The following PLEKHA6 variants were observed in gnomAD, a reference collection of about 807,000 sequenced individuals.
The protein encoded by PLEKHA6 is pleckstrin homology domain-containing family A member 6.
Under a neutral mutation model 116.7 loss-of-function variants are expected in PLEKHA6, and 60 were observed. That is an observed-to-expected ratio of 0.51 (90% CI 0.42 to 0.64). The LOEUF (loss-of-function observed/expected upper bound fraction) is 0.64. PLEKHA6 is among the 30% of genes least tolerant of loss of function. The pLI is 0.00. For synonymous variants in PLEKHA6, 489 were observed against 556.1 expected (o/e 0.88, Z 1.70); for missense variants, 1,338 against 1,422.7 (o/e 0.94, Z 0.96).
intron 16 of PLEKHA6, 34 bp downstream of exon 16, chr1:204,241,651 C>A: frequency 6.5e-7 from 1 of 1,546,180 alleles, no homozygotes; most frequent in Non-Finnish European, 8.7e-7. Flanking sequence ...AGCATCCTTG[C>A]CTTACTTCTA....
chr1:204,329,303 A>T (rs1672363471), intron 1 of PLEKHA6, among the ~76,000 whole-genome samples: 1 of 152,208 alleles, frequency 6.6e-6, no homozygotes, highest in Admixed American at 6.5e-5. Flanking sequence ...CCTGGCCTTC[A>T]TGGGGCCCAT....
intron 17 of PLEKHA6, among the ~76,000 whole-genome samples, chr1:204,231,779 G>A (rs1378228148): frequency 1.3e-5 from 2 of 152,010 alleles, no homozygotes; most frequent in Non-Finnish European, 2.9e-5. Flanking sequence ...TTGCTTTCTT[G>A]CTCAAGCTGT....
At chr1:204,361,382 A>G (rs190741130), upstream of PLEKHA6, among the ~76,000 whole-genome samples, 19 of 152,198 alleles carry the variant, frequency 1.2e-4, no homozygotes, top group East Asian at 2.5e-3. Context: ...CCTGGGAGGA[A>G]CCTGGCTGGT....
upstream of PLEKHA6, among the ~76,000 whole-genome samples, chr1:204,360,858 G>A (rs112479917): frequency 7.9e-5 from 12 of 152,270 alleles, no homozygotes; most frequent in South Asian, 2.1e-4. Context: ...CAATAGGGTC[G>A]TAGCTCTGTT....
chr1:204,255,578 G>A (rs1194534117), intron 9 of PLEKHA6: 2 of 700,856 alleles, frequency 2.9e-6, no homozygotes, highest in African/African-American at 3.5e-5. Flanking sequence ...GTGGAGAGAT[G>A]CGACAGGAAG....
In PLEKHA6 at chr1:204,228,132, G is replaced by T; in HGVS notation, c.2982C>A (p.Ile994=). 6.2e-7 allele frequency: 1 copy of T among 1,613,422 alleles called. No homozygotes were observed. The highest frequency in any genetic ancestry group is 8.5e-7 in the Non-Finnish European group (1 of 1,179,604). ...AGGCCTCGGTCGCCAGGGCGCAGGA[G>T]ATTTCAATCCGCTTCTCCTGCTCCT... ...QLQEQEKRIE[I]SCALATEASR... The change falls in exon 21 of 23, where the codon ATC becomes ATA. Residue 994 remains isoleucine, a synonymous_variant. Transcript: ENST00000272203. This position sits in a 1 kb window ranked among gnomAD's most constrained non-coding sequence, Gnocchi z 4.0.
At chr1:204,341,922 C>T (rs997552870) in intron 1 of PLEKHA6, among the ~76,000 whole-genome samples, 1 of 152,178 alleles carries the variant, frequency 6.6e-6, no homozygotes, top group African/African-American at 2.4e-5. Flanking sequence ...TGCAGTGGCT[C>T]ATGCTTGTAA....
chr1:204,252,860 G>A (rs1406206415), intron 9 of PLEKHA6, among the ~76,000 whole-genome samples: 1 of 152,236 alleles, frequency 6.6e-6, no homozygotes, highest in African/African-American at 2.4e-5. Flanking sequence ...AGGGCCAGGA[G>A]CCATCCATGC....
intron 1 of PLEKHA6, chr1:204,297,833 AG>A: frequency 1.1e-6 from 1 of 928,214 alleles, no homozygotes. Context: ...AAAAGGATTT[AG>A]GGTTCTTTGC....
chr1:204,298,545 C>T (rs1670512639), intron 1 of PLEKHA6, among the ~76,000 whole-genome samples: 1 of 152,170 alleles, frequency 6.6e-6, no homozygotes, highest in Non-Finnish European at 1.5e-5. Flanking sequence ...CTACCCTGCT[C>T]CTTGCTAGGC....
chr1:204,261,437 G>T lies in PLEKHA6; in HGVS notation c.393C>A (p.Ala131=). 1 of 1,610,554 alleles carries T rather than the reference G, an allele frequency of 6.2e-7. No individual in the cohort carries two copies. Among genetic ancestry groups the T allele is most frequent in the Non-Finnish European group, 8.5e-7 (1 of 1,177,888 alleles). ...SRKHTFKAEH[A]GVRTYFFSAE... is the part of the protein sequence containing the mutation. ...CACTGAAGAAGTAGGTGCGGACCCC[G>T]GCATGCTCAGCCTGTGGGGAGAGGC... The change falls in exon 7 of 23, where the codon GCC becomes GCA. Residue 131 remains alanine (A), a synonymous_variant. Coordinates refer to ENST00000272203, the MANE Select transcript of PLEKHA6 (RefSeq NM_014935.5). The surrounding 1 kb of genome is among the most constrained non-coding windows in gnomAD (Gnocchi z 4.0).
At chr1:204,281,087 A>G in intron 1 of PLEKHA6, 1 of 633,224 alleles carries the variant, frequency 1.6e-6, no homozygotes, top group Non-Finnish European at 2.0e-6. Context: ...ACTCAGAGGC[A>G]GAGGCAGGAG....
intron 5 of PLEKHA6, 87 bp from the exon 6 acceptor site, chr1:204,265,129 C>T: frequency 1.1e-6 from 1 of 885,952 alleles, no homozygotes; most frequent in Non-Finnish European, 1.9e-6. Context: ...TGTGTTGTCC[C>T]TCCCTGATAA....
At chr1:204,310,689 T>G (rs1288093988) in intron 1 of PLEKHA6, among the ~76,000 whole-genome samples, 1 of 152,226 alleles carries the variant, frequency 6.6e-6, no homozygotes, top group African/African-American at 2.4e-5. Context: ...TTATACGTAG[T>G]AGAGATGCAA....
At chr1:204,224,881 A>G (rs1213528582) in intron 21 of PLEKHA6, among the ~76,000 whole-genome samples, 2 of 152,244 alleles carry the variant, frequency 1.3e-5, no homozygotes, top group African/African-American at 4.8e-5. Flanking sequence ...ACAGCCAAGA[A>G]ACCAAAAACG....
intron 9 of PLEKHA6, among the ~76,000 whole-genome samples, chr1:204,252,113 C>T (rs56817514): frequency 0.026 from 3,932 of 150,340 alleles, 161 homozygotes; most frequent in African/African-American, 0.09. Flanking sequence ...TCCCCACCCT[C>T]GGCTCTAGTG....
intron 1 of PLEKHA6, among the ~76,000 whole-genome samples, chr1:204,279,263 T>C (rs1188640907): frequency 6.6e-6 from 1 of 152,182 alleles, no homozygotes. Context: ...CCTGTAAAGA[T>C]AGCACAAGGG....
chr1:204,338,745 G>T (rs1394887125), intron 1 of PLEKHA6, among the ~76,000 whole-genome samples: 2 of 152,144 alleles, frequency 1.3e-5, no homozygotes, highest in Non-Finnish European at 2.9e-5. Flanking sequence ...GCAGGATTTT[G>T]GTAAATGGAA....
At chr1:204,347,379 C>T in intron 1 of PLEKHA6, 1 of 593,178 alleles carries the variant, frequency 1.7e-6, no homozygotes, top group East Asian at 3.0e-5. Flanking sequence ...GGTGATCTCT[C>T]TTGTTCCCTA....
Sources: gnomAD v4.1 joint callset for allele counts (sites outside exome capture counted in the v4.1 genomes callset) on GRCh38, gnomAD v4.1.1 for gene constraint, Gnocchi (gnomAD v3.1) non-coding constraint, MANE v1.5 for transcripts, NCBI Gene and HGNC (gene_info 2026-07-23, HGNC 2026-07-21) for gene names.